RSRC1: variants seen among roughly 807,000 people sequenced by gnomAD.
The protein encoded by RSRC1 is serine/Arginine-related protein 53.
Under a neutral mutation model 49.1 loss-of-function variants are expected in RSRC1, and 39 were observed. The observed-to-expected ratio is 0.79, with a 90% confidence interval of 0.61 to 1.04. RSRC1 has a LOEUF of 1.04. Among genes scored for constraint, RSRC1 ranks in the 50% least tolerant of loss-of-function variants. The pLI is 0.00. For synonymous variants in RSRC1, 143 were observed against 130.8 expected (o/e 1.09, Z -0.63); for missense variants, 388 against 402.4 (o/e 0.96, Z 0.31).
intron 4 of RSRC1, among the ~76,000 whole-genome samples, chr3:158,217,185 T>C (rs1721987961): frequency 6.6e-6 from 1 of 151,552 alleles, no homozygotes; most frequent in African/African-American, 2.4e-5. Context: ...TAGTAACGAG[T>C]ACTGCTCTTC....
chr3:158,340,727 G>A (rs779427057), intron 5 of RSRC1, among the ~76,000 whole-genome samples: 2 of 152,240 alleles, frequency 1.3e-5, no homozygotes, highest in South Asian at 4.1e-4. Context: ...CAATAGAATG[G>A]GGTGTTGCTG....
chr3:158,281,764 A>G (rs1435943538), intron 4 of RSRC1, among the ~76,000 whole-genome samples: 1 of 152,244 alleles, frequency 6.6e-6, no homozygotes, highest in Non-Finnish European at 1.5e-5. Context: ...TGGATTTGGT[A>G]ACATGGGGGA....
chr3:158,504,525 A>G (rs2108464689), intron 7 of RSRC1, among the ~76,000 whole-genome samples: 1 of 152,274 alleles, frequency 6.6e-6, no homozygotes, highest in East Asian at 1.9e-4. Context: ...TTACTTTTTA[A>G]ATTGTATGAC....
intron 3 of RSRC1, among the ~76,000 whole-genome samples, chr3:158,161,904 G>A (rs1215546061): frequency 6.6e-6 from 1 of 152,096 alleles, no homozygotes; most frequent in Non-Finnish European, 1.5e-5. Context: ...CTTATCAAAA[G>A]TGGTTTAAGA....
intron 5 of RSRC1, among the ~76,000 whole-genome samples, chr3:158,320,245 C>T (rs115608714): frequency 3.5e-4 from 53 of 152,270 alleles, no homozygotes; most frequent in South Asian, 8.3e-4. Context: ...AAAAGGATAT[C>T]AGGGACGGAG....
chr3:158,512,496 C>A (rs1740246126), intron 7 of RSRC1, among the ~76,000 whole-genome samples: 1 of 152,122 alleles, frequency 6.6e-6, no homozygotes, highest in Admixed American at 6.5e-5. Flanking sequence ...GTACCAGTAC[C>A]ATGCTGTTTT....
intron 3 of RSRC1, among the ~76,000 whole-genome samples, chr3:158,171,030 G>T (rs779036572): frequency 1.3e-5 from 2 of 151,854 alleles, no homozygotes; most frequent in Non-Finnish European, 2.9e-5. Context: ...GAATTTAGGA[G>T]TAACCCCAGA....
intron 3 of RSRC1, among the ~76,000 whole-genome samples, chr3:158,165,517 A>T (rs1055634077): frequency 2.0e-5 from 3 of 152,224 alleles, no homozygotes; most frequent in African/African-American, 7.2e-5. Flanking sequence ...CATGTGATAG[A>T]TGGAAAAAGC....
chr3:158,493,453 G>A (rs1046440601), intron 7 of RSRC1, among the ~76,000 whole-genome samples: 3 of 152,176 alleles, frequency 2.0e-5, no homozygotes, highest in Non-Finnish European at 2.9e-5. Context: ...CTCTCATTTA[G>A]AGTTATTTCT....
At chr3:158,378,780 G>A (rs764730565) in intron 6 of RSRC1, among the ~76,000 whole-genome samples, 30 of 152,064 alleles carry the variant, frequency 2.0e-4, no homozygotes, top group Non-Finnish European at 3.1e-4. Flanking sequence ...AAGACCACAG[G>A]GTTTTCTCAG....
chr3:158,270,568 C>T (rs1206358420), intron 4 of RSRC1, among the ~76,000 whole-genome samples: 1 of 152,058 alleles, frequency 6.6e-6, no homozygotes, highest in African/African-American at 2.4e-5. Flanking sequence ...TGTTTACTTG[C>T]TGTGTTAACA....
intron 3 of RSRC1, among the ~76,000 whole-genome samples, chr3:158,139,771 T>C (rs922530494): frequency 6.6e-6 from 1 of 151,866 alleles, no homozygotes; most frequent in Non-Finnish European, 1.5e-5. Flanking sequence ...GTAGCTGAGA[T>C]GACAGGCGTG....
At chr3:158,329,154 G>T (rs1365467677) in intron 5 of RSRC1, among the ~76,000 whole-genome samples, 1 of 152,048 alleles carries the variant, frequency 6.6e-6, no homozygotes, top group South Asian at 2.1e-4. Context: ...TTTTTTCATG[G>T]TTTTTATCTT....
chr3:158,213,401 A>T (rs1721789618), intron 4 of RSRC1, among the ~76,000 whole-genome samples: 1 of 151,936 alleles, frequency 6.6e-6, no homozygotes, highest in East Asian at 1.9e-4. Context: ...CATTGGGGTT[A>T]ATGCTTTTCA....
intron 3 of RSRC1, among the ~76,000 whole-genome samples, chr3:158,178,432 C>T (rs78822249): frequency 6.6e-6 from 1 of 152,156 alleles, no homozygotes; most frequent in Non-Finnish European, 1.5e-5. Flanking sequence ...AGCCACTGCT[C>T]CTGGCCCCAG....
At chr3:158,180,419 C>CGTGGGTGTGTGT (rs1719516307) in intron 3 of RSRC1, among the ~76,000 whole-genome samples, 1 of 40,776 alleles carries the variant, frequency 2.5e-5, no homozygotes, top group South Asian at 1.6e-3. Flanking sequence ...TTTTTTTTGC[C>CGTGGGTGTGTGT]GTGTGTGTGT....
intron 3 of RSRC1, among the ~76,000 whole-genome samples, chr3:158,151,363 T>C (rs1717526833): frequency 6.6e-6 from 1 of 152,214 alleles, no homozygotes; most frequent in African/African-American, 2.4e-5. Context: ...TCTGTGACTT[T>C]GTGTCTTCAA....
At chr3:158,516,373 G>A (rs935854118) in intron 7 of RSRC1, among the ~76,000 whole-genome samples, 2 of 152,078 alleles carry the variant, frequency 1.3e-5, no homozygotes, top group Non-Finnish European at 2.9e-5. Flanking sequence ...GTGTCAGTGT[G>A]CCCCTGCTGG....
At chr3:158,301,270 G>T (rs1253631463) in intron 5 of RSRC1, among the ~76,000 whole-genome samples, 1 of 151,980 alleles carries the variant, frequency 6.6e-6, no homozygotes, top group African/African-American at 2.4e-5. Context: ...GACTTTGAAG[G>T]CTGTTGCTCT....
Sources: allele counts gnomAD v4.1 joint callset (sites outside exome capture counted in the v4.1 genomes callset), GRCh38; gene constraint gnomAD v4.1.1; transcripts MANE v1.5; gene names NCBI Gene and HGNC (gene_info 2026-07-23, HGNC 2026-07-21).